The following PRKCE variants were observed in gnomAD, a reference collection of about 807,000 sequenced individuals.
PRKCE encodes protein kinase C epsilon, also known as protein kinase C epsilon type.
In PRKCE, 16 loss-of-function variants were observed where a neutral mutation model predicts 85.4. The ratio of observed to expected loss-of-function variants is 0.19; its 90% confidence interval spans 0.13 to 0.28. The LOEUF is 0.28. Among genes scored for constraint, PRKCE ranks in the 10% least tolerant of loss-of-function variants. PRKCE has a pLI of 1.00. For missense variants in PRKCE, 573 were observed against 975.2 expected (o/e 0.59, Z 5.49); for synonymous variants, 388 against 371.5 (o/e 1.04, Z -0.51).
At chr2:45,710,734 C>G (rs564417081) in intron 1 of PRKCE, among the ~76,000 whole-genome samples, 47 of 152,244 alleles carry the variant, frequency 3.1e-4, no homozygotes, top group African/African-American at 1.1e-3. Context: ...CTTGTTTTTG[C>G]CAGGGCCAAT....
At chr2:46,160,369 T>C (rs61759997) in intron 14 of PRKCE, among the ~76,000 whole-genome samples, 5,948 of 152,272 alleles carry the variant, frequency 0.039, 325 homozygotes, top group African/African-American at 0.13. Context: ...ACAGGGCAGT[T>C]GAAGCTCAGA....
chr2:45,894,587 T>C (rs1695986019), intron 2 of PRKCE, among the ~76,000 whole-genome samples: 1 of 152,074 alleles, frequency 6.6e-6, no homozygotes, highest in African/African-American at 2.4e-5. Flanking sequence ...GGGTTGGTGA[T>C]ACATTTTCTG....
chr2:46,042,887 T>G (rs1361681393), intron 10 of PRKCE, among the ~76,000 whole-genome samples: 1 of 152,250 alleles, frequency 6.6e-6, no homozygotes, highest in Non-Finnish European at 1.5e-5. Flanking sequence ...CGCAATGTTC[T>G]TGTTTGGTGT....
At position 45,705,770 on chromosome 2, in the gene PRKCE, T is replaced by C. The variant is rs961441358; in HGVS notation, c.348+53322T>C. Among the ~76,000 whole-genome samples the C allele has an allele frequency of 2.6e-5, 4 of 152,222 alleles. No individual in the cohort carries two copies. The East Asian group carries it at 5.8e-4, about 22-fold the overall frequency. The stretch of plus-strand genomic sequence containing the variant: ...TACCAGGCATAATTTCTATAATCCA[T>C]AGAGTGTCAAGAAGGTACTTATTTT... On this transcript the variant is annotated intron_variant, in intron 1 of 14. Coordinates refer to ENST00000306156, the MANE Select transcript of PRKCE (RefSeq NM_005400.3).
chr2:46,147,579 C>T (rs1172704621), intron 12 of PRKCE, among the ~76,000 whole-genome samples: 1 of 152,242 alleles, frequency 6.6e-6, no homozygotes, highest in Non-Finnish European at 1.5e-5. Flanking sequence ...CCTTCGTGCC[C>T]ACCGTGCAGA....
chr2:46,044,810 G>C (rs549591803), intron 10 of PRKCE, among the ~76,000 whole-genome samples: 339 of 152,292 alleles, frequency 2.2e-3, no homozygotes, highest in African/African-American at 7.5e-3. Context: ...TATTGGAGCT[G>C]TGGATCCACT....
At chr2:45,949,954 G>T (rs1700515847) in intron 2 of PRKCE, among the ~76,000 whole-genome samples, 1 of 147,990 alleles carries the variant, frequency 6.8e-6, no homozygotes, top group African/African-American at 2.5e-5. Context: ...TTGCTTTTTT[G>T]GCCATTTTTC....
rs1042049712 is a variant in PRKCE at position 45,770,456 on chromosome 2, C to T, written c.349-72544C>T. Among the ~76,000 whole-genome samples, 13 of 152,226 alleles carry T rather than the reference C, an allele frequency of 8.5e-5. 1 individual carries two copies. The highest frequency in any genetic ancestry group is 8.3e-4 in the South Asian group (4 of 4,822). ...AGGCTGTGAGACACTAGATATATGG[C>T]GTCCCTTCGGCCACTTGTGTTTCTG... On this transcript the variant is annotated intron_variant, in intron 1 of 14. Transcript: ENST00000306156.
intron 4 of PRKCE, among the ~76,000 whole-genome samples, chr2:45,979,891 C>G (rs1042046922): frequency 3.3e-5 from 5 of 152,150 alleles, no homozygotes; most frequent in Admixed American, 6.5e-5. Flanking sequence ...GCTGCAGTTC[C>G]CCCTATCACG....
At chr2:45,812,388 C>T (rs918923755) in intron 1 of PRKCE, among the ~76,000 whole-genome samples, 2 of 152,238 alleles carry the variant, frequency 1.3e-5, no homozygotes, top group African/African-American at 4.8e-5. Flanking sequence ...GAACTGTTAC[C>T]CAGCAAAACA....
Position 46,120,156 on chromosome 2 carries a change from C to T in PRKCE, c.1593-24937C>T, listed in dbSNP as rs769661512. Reference sequence around the variant, plus strand: ...AAGCAGTAGCATTGCTAAGAGGAAACGCACTGACCTCATGTTCAGACACTC... The same window carrying T: ...AAGCAGTAGCATTGCTAAGAGGAAATGCACTGACCTCATGTTCAGACACTC... On this transcript the variant is annotated intron_variant, in intron 11 of 14. Transcript: ENST00000306156. Among the ~76,000 whole-genome samples the T allele has an allele frequency of 5.3e-5, 8 of 152,316 alleles. No individual in the cohort carries two copies. In the East Asian group the frequency reaches 7.7e-4, roughly 15 times the overall value.
In PRKCE at chr2:45,899,375, A is replaced by AT. The variant is rs1229371733; in HGVS notation, c.412+56320dup. ...CCTTCCTTCCAAGTCTTTTTAAAAA[A>AT]TTTTTTTTCTTTTTTTTTTTTTGTA... On this transcript the variant is annotated intron_variant, in intron 2 of 14. Transcript: ENST00000306156. 6.0e-5 allele frequency among the ~76,000 whole-genome samples: 9 copies of AT among 149,998 alleles called. No individual in the cohort carries two copies. In the South Asian group the frequency reaches 1.7e-3, roughly 28 times the overall value.
chr2:46,038,910 G>T (rs1450291077), intron 10 of PRKCE, among the ~76,000 whole-genome samples: 1 of 152,194 alleles, frequency 6.6e-6, no homozygotes, highest in East Asian at 1.9e-4. Flanking sequence ...TTGGGAATCA[G>T]ACCTTACCAA....
intron 11 of PRKCE, among the ~76,000 whole-genome samples, chr2:46,096,269 A>G (rs1036633459): frequency 6.6e-6 from 1 of 152,252 alleles, no homozygotes; most frequent in Non-Finnish European, 1.5e-5. Flanking sequence ...TTTGAAAATT[A>G]CATGAGAAAA....
At chr2:45,830,645 A>G (rs1458653169) in intron 1 of PRKCE, among the ~76,000 whole-genome samples, 1 of 151,352 alleles carries the variant, frequency 6.6e-6, no homozygotes, top group Non-Finnish European at 1.5e-5. Context: ...GAATCCCAAA[A>G]GACACCCTGA....
intron 6 of PRKCE, 74 bp downstream of exon 6, chr2:45,984,754 T>C: frequency 6.5e-7 from 1 of 1,533,460 alleles, no homozygotes; most frequent in Non-Finnish European, 8.8e-7. Flanking sequence ...CCCTGCTTTA[T>C]AAAAAACCCT....
chr2:45,737,804 C>G (rs757584098), intron 1 of PRKCE, among the ~76,000 whole-genome samples: 2 of 152,172 alleles, frequency 1.3e-5, no homozygotes, highest in African/African-American at 4.8e-5. Flanking sequence ...CTCACCCCCT[C>G]TGCTGACTTG....
At chr2:46,086,536 G>A (rs1185471307) in intron 11 of PRKCE, among the ~76,000 whole-genome samples, 174 bp downstream of exon 11, 1 of 152,292 alleles carries the variant, frequency 6.6e-6, no homozygotes, top group East Asian at 1.9e-4. Flanking sequence ...TCCTGTGAAT[G>A]TTAGTATTTG....
Position 45,765,711 on chromosome 2 carries a change from C to T in PRKCE, c.349-77289C>T, listed in dbSNP as rs938326498. Among the ~76,000 whole-genome samples, 9 of 152,210 alleles carry T rather than the reference C, an allele frequency of 5.9e-5. No homozygotes were observed. In the East Asian group the frequency reaches 9.6e-4, roughly 16 times the overall value. The stretch of plus-strand genomic sequence containing the variant: ...TGGAAATAGAACTCTGGACTGTTGA[C>T]CCCCACGTCCTAAGCCCAAAGATGA... On this transcript the variant is annotated intron_variant, in intron 1 of 14. Coordinates refer to ENST00000306156, the MANE Select transcript of PRKCE (RefSeq NM_005400.3).
Sources: allele counts gnomAD v4.1 joint callset (sites outside exome capture counted in the v4.1 genomes callset), GRCh38; gene constraint gnomAD v4.1.1; transcripts MANE v1.5; gene names NCBI Gene and HGNC (gene_info 2026-07-23, HGNC 2026-07-21).